SRC: variants seen among roughly 807,000 people sequenced by gnomAD.
SRC encodes proto-oncogene tyrosine-protein kinase Src.
A neutral mutation model predicts 62.9 loss-of-function variants in SRC; 13 were observed. The observed-to-expected ratio is 0.21, with a 90% CI of 0.13 to 0.33. The LOEUF is 0.33. Among genes scored for constraint, SRC ranks in the 10% least tolerant of loss-of-function variants. The pLI is 1.00. For missense variants in SRC, 457 were observed against 737.3 expected (o/e 0.62, Z 4.40); for synonymous variants, 302 against 317.5 (o/e 0.95, Z 0.52).
At chr20:37,359,381 A>G (rs2069931288) in intron 1 of SRC, among the ~76,000 whole-genome samples, 1 of 152,266 alleles carries the variant, frequency 6.6e-6, no homozygotes, top group African/African-American at 2.4e-5. Context: ...AGGAAACTGC[A>G]CACACAGCCC....
intron 1 of SRC, among the ~76,000 whole-genome samples, chr20:37,358,317 C>T (rs2069913756): frequency 6.6e-6 from 1 of 152,178 alleles, no homozygotes; most frequent in South Asian, 2.1e-4. Flanking sequence ...CACCCCAGAG[C>T]TGGGCTTTGG....
intron 1 of SRC, among the ~76,000 whole-genome samples, chr20:37,348,669 G>A (rs1380454527): frequency 6.6e-6 from 1 of 152,136 alleles, no homozygotes; most frequent in African/African-American, 2.4e-5. Context: ...CAGCCTGGTT[G>A]GATACTTGCT....
Position 37,402,690 on chromosome 20 carries a change from T to C in SRC, c.1271-59T>C. ...CAGCTGTCATTCCTCATGGTGCTTA[T>C]CTAGCAGAGCGGTCATGACAGGAGG... is the stretch of plus-strand genomic sequence containing the variant. On this transcript the variant is annotated intron_variant, in intron 12 of 13. Transcript: ENST00000373578. The surrounding 1 kb of genome is among the most constrained non-coding windows in gnomAD (Gnocchi z 6.2). 1 of 1,577,356 alleles carries C rather than the reference T, an allele frequency of 6.3e-7. No homozygotes were observed. The highest frequency in any genetic ancestry group is 8.6e-7 in the Non-Finnish European group (1 of 1,159,314).
At chr20:37,392,373 A>G (rs1222678125) in intron 5 of SRC, among the ~76,000 whole-genome samples, 3 of 152,108 alleles carry the variant, frequency 2.0e-5, no homozygotes, top group East Asian at 3.9e-4. Flanking sequence ...TCCATCTTCT[A>G]TATGGGCTGA....
At position 37,402,427 on chromosome 20, in the gene SRC, G is replaced by A. The variant is rs769546470; in HGVS notation, c.1117-8G>A. ...ACCTGAGCCAGGCTCCCACGGTTCCGCCTGCAGATCGCCTCAGGCATGGCG... is the reference window on the plus strand; with the variant it reads ...ACCTGAGCCAGGCTCCCACGGTTCCACCTGCAGATCGCCTCAGGCATGGCG... On this transcript the variant is annotated splice_region_variant and splice_polypyrimidine_tract_variant and intron_variant, in intron 11 of 13. Transcript: ENST00000373578. This position sits in a 1 kb window ranked among gnomAD's most constrained non-coding sequence, Gnocchi z 6.2. 3.2e-5 allele frequency: 51 copies of A among 1,610,470 alleles called. No individual in the cohort carries two copies. Among genetic ancestry groups the A allele is most frequent in the East Asian group, 1.3e-4 (6 of 44,798 alleles).
At chr20:37,355,488 CT>C (rs1303958333) in intron 1 of SRC, among the ~76,000 whole-genome samples, 2 of 152,156 alleles carry the variant, frequency 1.3e-5, no homozygotes, top group Non-Finnish European at 2.9e-5. Flanking sequence ...GGCTCTGCCC[CT>C]GGGTTCTCTG....
intron 7 of SRC, among the ~76,000 whole-genome samples, chr20:37,394,534 C>G (rs1171678402): frequency 1.3e-5 from 2 of 152,146 alleles, no homozygotes; most frequent in Non-Finnish European, 2.9e-5. Flanking sequence ...CATAGGTTGT[C>G]TGGAGGTCTG....
chr20:37,386,357 C>A, intron 5 of SRC, 183 bp downstream of exon 5: 1 of 728,780 alleles, frequency 1.4e-6, no homozygotes. Flanking sequence ...TGCTGTTGCT[C>A]CCCCAGCCAT....
chr20:37,352,099 G>A (rs1447671403), intron 1 of SRC, among the ~76,000 whole-genome samples: 1 of 152,182 alleles, frequency 6.6e-6, no homozygotes, highest in Non-Finnish European at 1.5e-5. Flanking sequence ...GGTTCAAATC[G>A]TGGCTTGGCC....
chr20:37,364,437 C>G (rs1428766707), intron 1 of SRC, among the ~76,000 whole-genome samples: 3 of 152,210 alleles, frequency 2.0e-5, no homozygotes, highest in Non-Finnish European at 4.4e-5. Context: ...TGAGGACCAA[C>G]TGTCCCTCCT....
At chr20:37,377,010 T>G (rs1211750438) in intron 2 of SRC, among the ~76,000 whole-genome samples, 1 of 152,226 alleles carries the variant, frequency 6.6e-6, no homozygotes, top group Non-Finnish European at 1.5e-5. Flanking sequence ...ACTTGCTGTG[T>G]GGCCTTGGAC....
intron 1 of SRC, among the ~76,000 whole-genome samples, chr20:37,355,968 G>T (rs1345402577): frequency 6.6e-6 from 1 of 152,222 alleles, no homozygotes; most frequent in Non-Finnish European, 1.5e-5. Context: ...AGCAGAGCAG[G>T]TTGAGGCCAG....
Position 37,403,261 on chromosome 20 carries a change from T to A in SRC, c.1493T>A (p.Met498Lys). 1.3e-6 allele frequency: 2 copies of A among 1,595,248 alleles called. No homozygotes were observed. The highest frequency in any genetic ancestry group is 1.7e-6 in the Non-Finnish European group (2 of 1,171,818). Residue 498 changes from methionine (M) to lysine (K), a missense_variant, in exon 14 of 14, where the codon ATG becomes AAG. Transcript: ENST00000373578. The surrounding 1 kb of genome is among the most constrained non-coding windows in gnomAD (Gnocchi z 7.1). ...PECPESLHDLMCQCWRKEPEE... is the reference protein window; with the variant it reads ...PECPESLHDLKCQCWRKEPEE... The stretch of plus-strand genomic sequence containing the variant: ...TGTCCCGAGTCCCTGCACGACCTCA[T>A]GTGCCAGTGCTGGCGGAAGGAGCCT...
At chr20:37,392,418 A>C (rs1435706236) in intron 5 of SRC, among the ~76,000 whole-genome samples, 7 of 152,142 alleles carry the variant, frequency 4.6e-5, no homozygotes. Context: ...AAGAAGTGGG[A>C]GCCAGGGATC....
chr20:37,358,338 G>A (rs2069914112), intron 1 of SRC, among the ~76,000 whole-genome samples: 1 of 152,200 alleles, frequency 6.6e-6, no homozygotes, highest in Non-Finnish European at 1.5e-5. Context: ...GAAGGGGCTG[G>A]AGGGCTGAGT....
chr20:37,384,320 C>G lies in SRC; in HGVS notation c.167C>G (p.Pro56Arg). Residue 56 changes from proline to arginine, a missense_variant, in exon 4 of 14, where the codon CCC becomes CGC. Transcript: ENST00000373578. The surrounding 1 kb of genome is among the most constrained non-coding windows in gnomAD (Gnocchi z 6.7). ...GHRGPSAAFA[P>R]AAAEPKLFGG... ...CGCGGCCCCAGCGCGGCCTTCGCCC[C>G]CGCGGCCGCCGAGCCCAAGCTGTTC... is the stretch of plus-strand genomic sequence containing the variant. 3.4e-6 allele frequency: 5 copies of G among 1,466,206 alleles called. No individual in the cohort carries two copies. The highest frequency in any genetic ancestry group is 4.5e-6 in the Non-Finnish European group (5 of 1,114,442). The allele number at this position is 1,466,206 out of a possible 1,614,324, so 90.8% of individuals were successfully genotyped here.
chr20:37,373,017 T>TATATATACACATATATACACATATACAC (rs2070192161), intron 2 of SRC, among the ~76,000 whole-genome samples: 2 of 152,006 alleles, frequency 1.3e-5, no homozygotes, highest in African/African-American at 4.8e-5. Context: ...CCTTTATGCA[T>TATATATACACATATATACACATATACAC]ATATATACAC....
intron 1 of SRC, among the ~76,000 whole-genome samples, chr20:37,359,979 C>T (rs6018003): frequency 3.5e-4 from 53 of 151,980 alleles, no homozygotes; most frequent in African/African-American, 1.2e-3. Flanking sequence ...TAGAATGAAC[C>T]CCATGAACCC....
chr20:37,393,863 C>G, intron 5 of SRC, 32 bp from the exon 6 acceptor site: 3 of 1,559,232 alleles, frequency 1.9e-6, no homozygotes, highest in Non-Finnish European at 2.7e-6. Flanking sequence ...CGGCTCCCTT[C>G]TCCTTTCCTC....
Sources: allele counts gnomAD v4.1 joint callset (sites outside exome capture counted in the v4.1 genomes callset), GRCh38; gene constraint gnomAD v4.1.1; non-coding constraint Gnocchi (gnomAD v3.1); transcripts MANE v1.5; gene names NCBI Gene and HGNC (gene_info 2026-07-23, HGNC 2026-07-21).